The following MALRD1 variants were observed in gnomAD, a reference collection of about 807,000 sequenced individuals.
The protein encoded by MALRD1 is MAM and LDL-receptor class A domain-containing protein 1.
In MALRD1, 247 loss-of-function variants were observed where a neutral mutation model predicts 242.1. That is an observed-to-expected ratio of 1.02 (90% CI 0.92 to 1.13). MALRD1 has a LOEUF of 1.13. MALRD1 is among the 50% of genes most tolerant of loss of function. The probability of loss-of-function intolerance (pLI) is 0.00; values close to 1 mark genes in which losing one functional copy is unlikely to be tolerated. For missense variants in MALRD1, 2,989 were observed against 2,533.1 expected (o/e 1.18, Z -3.86); for synonymous variants, 995 against 866.6 (o/e 1.15, Z -2.60).
chr10:19,098,673 A>G (rs1372424534), intron 4 of MALRD1, among the ~76,000 whole-genome samples: 1 of 152,126 alleles, frequency 6.6e-6, no homozygotes, highest in Non-Finnish European at 1.5e-5. Flanking sequence ...GTTTATACTC[A>G]CTCTGAAGCA....
intron 29 of MALRD1, among the ~76,000 whole-genome samples, chr10:19,457,740 G>C (rs1835733091): frequency 6.7e-6 from 1 of 148,180 alleles, no homozygotes; most frequent in African/African-American, 2.5e-5. Flanking sequence ...GCATTATCTA[G>C]TTTGCCAATG....
chr10:19,662,105 A>G (rs1564524174), intron 36 of MALRD1, among the ~76,000 whole-genome samples: 2 of 152,178 alleles, frequency 1.3e-5, no homozygotes. Context: ...GAAAGAGTAT[A>G]ATTATTATGT....
intron 21 of MALRD1, among the ~76,000 whole-genome samples, chr10:19,313,552 C>T (rs1356446185): frequency 2.0e-5 from 3 of 151,200 alleles, no homozygotes; most frequent in Non-Finnish European, 4.4e-5. Context: ...TAATTGATAT[C>T]CCAAGTACCC....
chr10:19,481,196 G>A (rs1411771110), intron 29 of MALRD1, among the ~76,000 whole-genome samples: 4 of 152,008 alleles, frequency 2.6e-5, no homozygotes, highest in Non-Finnish European at 5.9e-5. Flanking sequence ...CTGTTTCTGT[G>A]CACTAATACA....
At chr10:19,197,726 T>C (rs754061965) in intron 14 of MALRD1, among the ~76,000 whole-genome samples, 1 of 152,206 alleles carries the variant, frequency 6.6e-6, no homozygotes, top group Non-Finnish European at 1.5e-5. Flanking sequence ...TGCTCTAACA[T>C]TTTCAATATT....
At chr10:19,438,986 T>C (rs1180447640) in intron 28 of MALRD1, among the ~76,000 whole-genome samples, 1 of 152,172 alleles carries the variant, frequency 6.6e-6, no homozygotes, top group Non-Finnish European at 1.5e-5. Flanking sequence ...TTTACTATCA[T>C]AGTTATGTGT....
At chr10:19,731,439 G>C (rs998441520) in intron 39 of MALRD1, among the ~76,000 whole-genome samples, 6 of 151,988 alleles carry the variant, frequency 3.9e-5, no homozygotes, top group Non-Finnish European at 8.8e-5. Context: ...ACATTGTGAA[G>C]TGATTACTAC....
Position 19,280,091 on chromosome 10 carries a change from C to A in MALRD1, c.3124C>A (p.Pro1042Thr), listed in dbSNP as rs1205039210. 3 of 1,534,474 alleles carry A rather than the reference C, an allele frequency of 2.0e-6. No homozygotes were observed. The highest frequency in any genetic ancestry group is 2.1e-5 in the Admixed American group (1 of 47,138). Residue 1042 changes from proline (P) to threonine (T), a missense_variant, in exon 20 of 40, where the codon CCT becomes ACT. By Grantham distance (38) the Pro-to-Thr change is conservative (BLOSUM62 -1). Coordinates refer to ENST00000454679, the MANE Select transcript of MALRD1 (RefSeq NM_001142308.3). ...DLPTPPETSVPVTLPPHNCTD... is the reference protein window; with the variant it reads ...DLPTPPETSVTVTLPPHNCTD... ...CCCAACTCCACCAGAAACGTCAGTT[C>A]CTGTAACATTACCTCCACACAACTG...
intron 26 of MALRD1, among the ~76,000 whole-genome samples, chr10:19,372,980 G>T (rs1308614956): frequency 1.3e-5 from 2 of 151,858 alleles, no homozygotes; most frequent in African/African-American, 4.8e-5. Context: ...TCTTTGTGAA[G>T]ATAATTACAT....
At chr10:19,429,163 T>C (rs555544310) in intron 28 of MALRD1, among the ~76,000 whole-genome samples, 2 of 152,328 alleles carry the variant, frequency 1.3e-5, no homozygotes, top group East Asian at 3.9e-4. Flanking sequence ...AAATATGTAT[T>C]ACTGTTATCT....
At chr10:19,192,708 T>C (rs940815377) in intron 14 of MALRD1, among the ~76,000 whole-genome samples, 1 of 151,926 alleles carries the variant, frequency 6.6e-6, no homozygotes, top group African/African-American at 2.4e-5. Context: ...TAAGAGATAA[T>C]AAATGAGTGT....
chr10:19,448,818 CAA>C, intron 28 of MALRD1, among the ~76,000 whole-genome samples: 1 of 151,702 alleles, frequency 6.6e-6, no homozygotes, highest in Non-Finnish European at 1.5e-5. Flanking sequence ...TTATGAAAAT[CAA>C]AATAATATGA....
intron 26 of MALRD1, among the ~76,000 whole-genome samples, chr10:19,367,465 A>C (rs910705186): frequency 6.6e-6 from 1 of 152,124 alleles, no homozygotes; most frequent in Non-Finnish European, 1.5e-5. Flanking sequence ...TTATGGCTGA[A>C]TAAGATTGCA....
At chr10:19,618,479 A>G (rs539939458) in intron 36 of MALRD1, among the ~76,000 whole-genome samples, 14 of 152,008 alleles carry the variant, frequency 9.2e-5, no homozygotes, top group African/African-American at 3.4e-4. Context: ...TTTCTCCACA[A>G]CCTTGCTAGC....
intron 31 of MALRD1, among the ~76,000 whole-genome samples, chr10:19,508,588 T>C (rs1833251758): frequency 6.6e-6 from 1 of 152,212 alleles, no homozygotes; most frequent in Non-Finnish European, 1.5e-5. Context: ...TGACATGTGC[T>C]CTATGTGTAA....
At chr10:19,516,452 C>G (rs1306004051) in intron 31 of MALRD1, among the ~76,000 whole-genome samples, 1 of 152,074 alleles carries the variant, frequency 6.6e-6, no homozygotes, top group African/African-American at 2.4e-5. Flanking sequence ...AACCGTGTTT[C>G]AAGTACAATA....
chr10:19,569,267 A>G (rs1337597734), intron 33 of MALRD1, among the ~76,000 whole-genome samples: 1 of 152,076 alleles, frequency 6.6e-6, no homozygotes, highest in Non-Finnish European at 1.5e-5. Context: ...TCCCAGATGC[A>G]TGAGTTTCTC....
At chr10:19,202,668 A>C (rs1320691885) in intron 14 of MALRD1, among the ~76,000 whole-genome samples, 1 of 152,230 alleles carries the variant, frequency 6.6e-6, no homozygotes, top group Non-Finnish European at 1.5e-5. Context: ...TGATAAAAAT[A>C]GCCAATGGCT....
intron 36 of MALRD1, among the ~76,000 whole-genome samples, chr10:19,677,301 G>A (rs115298380): frequency 0.029 from 4,443 of 151,984 alleles, 203 homozygotes; most frequent in African/African-American, 0.09. Flanking sequence ...AAGCATTCCC[G>A]TTTCTCCAGT....
Sources: allele counts gnomAD v4.1 joint callset (sites outside exome capture counted in the v4.1 genomes callset), GRCh38; gene constraint gnomAD v4.1.1; transcripts MANE v1.5; gene names NCBI Gene and HGNC (gene_info 2026-07-23, HGNC 2026-07-21).